The following PPP2CA variants were observed in gnomAD, a reference collection of about 807,000 sequenced individuals.
PPP2CA encodes the protein protein phosphatase 2 catalytic subunit alpha.
A neutral mutation model predicts 38.8 loss-of-function variants in PPP2CA; 5 were observed. That is an observed-to-expected ratio of 0.13 (90% confidence interval 0.07 to 0.27). PPP2CA has a LOEUF of 0.27. Among genes scored for constraint, PPP2CA ranks in the 10% least tolerant of loss-of-function variants. The probability of loss-of-function intolerance (pLI) is 1.00; values close to 1 mark genes in which losing one functional copy is unlikely to be tolerated. For missense variants in PPP2CA, 88 were observed against 389.7 expected, an observed-to-expected ratio of 0.23 and a Z score of 6.52; for synonymous variants, 152 against 134.0, an observed-to-expected ratio of 1.13 and a Z score of -0.93.
At chr5:134,205,881 C>T in intron 2 of PPP2CA, 41 bp downstream of exon 2, 1 of 1,550,106 alleles carries the variant, frequency 6.5e-7, no homozygotes, top group Non-Finnish European at 8.9e-7. Flanking sequence ...AGAGGACTGT[C>T]TTACCCATTT....
chr5:134,200,608 G>A (rs1448515841), intron 4 of PPP2CA, 112 bp from the exon 5 acceptor site: 1 of 1,170,832 alleles, frequency 8.5e-7, no homozygotes, highest in Non-Finnish European at 1.2e-6. Context: ...TGATGTTTGT[G>A]GACAATGCTA....
chr5:134,195,308 T>C lies in PPP2CA; in HGVS notation c.*2464A>G, dbSNP rs1011926008. The C allele has an allele frequency of 1.3e-5, 2 of 152,196 alleles. No homozygotes were observed. Among genetic ancestry groups the C allele is most frequent in the Non-Finnish European group, 2.9e-5 (2 of 68,050 alleles). 9.4% of individuals were successfully genotyped at this position (152,196 alleles called of 1,614,324 possible). On this transcript the variant is annotated 3_prime_UTR_variant, in exon 7 of 7. Coordinates refer to ENST00000481195, the MANE Select transcript of PPP2CA (RefSeq NM_002715.4). Reference sequence around the variant, plus strand: ...CTCTGTCACCCAGACTGGAGTACAGTGGCACAATCTCAGCCCACTGCAACC... The same window carrying C: ...CTCTGTCACCCAGACTGGAGTACAGCGGCACAATCTCAGCCCACTGCAACC...
intron 1 of PPP2CA, among the ~76,000 whole-genome samples, chr5:134,222,410 G>A (rs1191393111): frequency 6.6e-6 from 1 of 152,040 alleles, no homozygotes; most frequent in African/African-American, 2.4e-5. Context: ...CTAATTAGAA[G>A]GAAGCAGTTT....
At chr5:134,205,834 CAGAT>C (rs1182119432) in intron 2 of PPP2CA, 84 bp downstream of exon 2, 2 of 1,162,696 alleles carry the variant, frequency 1.7e-6, no homozygotes, top group Non-Finnish European at 2.5e-6. Flanking sequence ...TTTTAACATT[CAGAT>C]AGAGAAAATA....
chr5:134,219,959 C>T (rs1192644481), intron 1 of PPP2CA, among the ~76,000 whole-genome samples: 1 of 146,834 alleles, frequency 6.8e-6, no homozygotes, highest in Non-Finnish European at 1.5e-5. Flanking sequence ...TGCAGTGAGC[C>T]GAGATCATGC....
In PPP2CA at chr5:134,211,905, G is replaced by A. The variant is rs538436079; in HGVS notation, c.103-5774C>T. 2.1e-3 allele frequency among the ~76,000 whole-genome samples: 322 copies of A among 152,188 alleles called. 2 individuals are homozygous for A. Among genetic ancestry groups the A allele is most frequent in the Non-Finnish European group, 4.0e-3 (272 of 68,008 alleles). The stretch of plus-strand genomic sequence containing the variant: ...TGCCAAGGCGGATGAATCACTTGAG[G>A]TCGGGAGTTCGAAACCAGCCTGGCC... On this transcript the variant is annotated intron_variant, in intron 1 of 6. Transcript: ENST00000481195.
intron 2 of PPP2CA, 174 bp from the exon 3 acceptor site, chr5:134,202,195 G>A: frequency 3.5e-6 from 2 of 570,822 alleles, no homozygotes; most frequent in Middle Eastern, 4.7e-4. Context: ...ATGCCCATGG[G>A]GTGTTTGCCC....
At position 134,226,020 on chromosome 5, in the gene PPP2CA, C is replaced by T. The variant is rs1561449124; in HGVS notation, c.-159G>A. 1 of 573,744 alleles carries T rather than the reference C, an allele frequency of 1.7e-6. No homozygotes were observed. Among genetic ancestry groups the T allele is most frequent in the Non-Finnish European group, 3.0e-6 (1 of 337,530 alleles). The allele number at this position is 573,744 out of a possible 1,614,324, so 35.5% of individuals were successfully genotyped here. A position where few individuals can be genotyped will look rare whatever the true frequency, so the allele number is the denominator to read the frequency against. On this transcript the variant is annotated 5_prime_UTR_variant, in exon 1 of 7. Coordinates refer to ENST00000481195, the MANE Select transcript of PPP2CA (RefSeq NM_002715.4). ...GGCTCTCACCGCAGTACTCGGCCGTCGGCCGCTGCGCCTCCTCCTCCGCTC... is the reference window on the plus strand; with the variant it reads ...GGCTCTCACCGCAGTACTCGGCCGTTGGCCGCTGCGCCTCCTCCTCCGCTC...
chr5:134,195,902 C>A lies in PPP2CA; in HGVS notation c.*1870G>T, dbSNP rs890774047. 3 of 152,168 alleles carry A rather than the reference C, an allele frequency of 2.0e-5. No homozygotes were observed. The highest frequency in any genetic ancestry group is 7.2e-5 in the African/African-American group (3 of 41,426). 9.4% of individuals were successfully genotyped at this position (152,168 alleles called of 1,614,324 possible). ...ACCACCACGTGTCAATTACAATATA[C>A]GTATTCCTTGGTCAATTCTGATATC... On this transcript the variant is annotated 3_prime_UTR_variant, in exon 7 of 7. Coordinates refer to ENST00000481195, the MANE Select transcript of PPP2CA (RefSeq NM_002715.4).
chr5:134,203,420 A>C (rs1762009488), intron 2 of PPP2CA: 1 of 152,186 alleles, frequency 6.6e-6, no homozygotes, highest in Non-Finnish European at 1.5e-5. Context: ...TAAACAACAG[A>C]AATTTACTTC....
intron 2 of PPP2CA, among the ~76,000 whole-genome samples, chr5:134,203,179 C>A (rs554254608): frequency 6.6e-6 from 1 of 151,736 alleles, no homozygotes; most frequent in Non-Finnish European, 1.5e-5. Context: ...TGATAAAGTC[C>A]GATTTTTCAA....
chr5:134,222,393 A>G (rs922488417), intron 1 of PPP2CA, among the ~76,000 whole-genome samples: 4 of 152,222 alleles, frequency 2.6e-5, no homozygotes, highest in African/African-American at 9.6e-5. Context: ...AATATTTTTC[A>G]GCTCATCTAA....
chr5:134,202,297 C>T (rs1580637983), intron 2 of PPP2CA: 1 of 303,382 alleles, frequency 3.3e-6, no homozygotes, highest in Non-Finnish European at 6.0e-6. Context: ...AATTACTTTA[C>T]GGTTCAGTAA....
At chr5:134,209,088 T>A (rs1216490314) in intron 1 of PPP2CA, among the ~76,000 whole-genome samples, 2 of 152,188 alleles carry the variant, frequency 1.3e-5, no homozygotes, top group South Asian at 4.1e-4. Context: ...ATGTTGACAT[T>A]ATCAAATTGT....
intron 1 of PPP2CA, among the ~76,000 whole-genome samples, chr5:134,213,205 T>TA (rs1203941372): frequency 6.6e-6 from 1 of 152,206 alleles, no homozygotes; most frequent in Non-Finnish European, 1.5e-5. Flanking sequence ...TGACTCTTGT[T>TA]AGAGGCTAAT....
chr5:134,202,105 G>T, intron 2 of PPP2CA, 84 bp from the exon 3 acceptor site: 1 of 1,375,014 alleles, frequency 7.3e-7, no homozygotes, highest in Non-Finnish European at 9.8e-7. Context: ...AGAAAAAAAT[G>T]CAGTTACAAT....
chr5:134,212,389 T>C (rs1029357275), intron 1 of PPP2CA, among the ~76,000 whole-genome samples: 6 of 152,240 alleles, frequency 3.9e-5, no homozygotes, highest in Non-Finnish European at 7.3e-5. Context: ...TCTTTGATGT[T>C]ACTATTGTAA....
At position 134,226,040 on chromosome 5, in the gene PPP2CA, C is replaced by T. The variant is rs1417613863; in HGVS notation, c.-179G>A. On this transcript the variant is annotated 5_prime_UTR_variant, in exon 1 of 7. Transcript: ENST00000481195. ...GCCGTCGGCCGCTGCGCCTCCTCCT[C>T]CGCTCGCTGAGGCTCCAGAGCTCGG... 3 of 536,954 alleles carry T rather than the reference C, an allele frequency of 5.6e-6. No homozygotes were observed. Among genetic ancestry groups the T allele is most frequent in the Admixed American group, 7.4e-5 (2 of 26,940 alleles). 33.3% of individuals were successfully genotyped at this position (536,954 alleles called of 1,614,324 possible). A position where few individuals can be genotyped will look rare whatever the true frequency, so the allele number is the denominator to read the frequency against.
intron 2 of PPP2CA, 186 bp from the exon 3 acceptor site, chr5:134,202,207 CCTCAT>C (rs1462266508): frequency 1.9e-6 from 1 of 513,470 alleles, no homozygotes; most frequent in East Asian, 3.5e-5. Flanking sequence ...TGTTTGCCCA[CCTCAT>C]CTCAACTAAA....
Sources: allele counts gnomAD v4.1 joint callset (sites outside exome capture counted in the v4.1 genomes callset), GRCh38; gene constraint gnomAD v4.1.1; transcripts MANE v1.5; gene names NCBI Gene and HGNC (gene_info 2026-07-23, HGNC 2026-07-21).